The following RIC1 variants were observed in gnomAD, a reference collection of about 807,000 sequenced individuals.
RIC1 encodes guanine nucleotide exchange factor subunit RIC1.
RIC1 carries 88 observed loss-of-function variants against 169.0 expected under a neutral mutation model. The observed-to-expected ratio is 0.52, with a 90% CI of 0.44 to 0.62. The LOEUF (loss-of-function observed/expected upper bound fraction) is 0.62. Among genes scored for constraint, RIC1 ranks in the 20% least tolerant of loss-of-function variants. The probability of loss-of-function intolerance (pLI) is 0.00; values close to 1 mark genes in which losing one functional copy is unlikely to be tolerated. For synonymous variants in RIC1, 790 were observed against 601.5 expected (o/e 1.31, Z -4.59); for missense variants, 1,877 against 1,725.5 (o/e 1.09, Z -1.56).
chr9:5,766,077 T>G (rs1166697010), intron 21 of RIC1, among the ~76,000 whole-genome samples: 15 of 152,202 alleles, frequency 9.9e-5, no homozygotes, highest in Admixed American at 9.8e-4. Flanking sequence ...AGTCTCACTC[T>G]GTCACCCAGG....
At chr9:5,691,000 TTAA>T (rs1181555440) in intron 3 of RIC1, among the ~76,000 whole-genome samples, 9 of 151,942 alleles carry the variant, frequency 5.9e-5, no homozygotes. Context: ...TTTTTATTTT[TTAA>T]TAATTAAAGA....
Position 5,774,371 on chromosome 9 carries a change from G to C in RIC1, c.*125G>C. On this transcript the variant is annotated 3_prime_UTR_variant, in exon 26 of 26. Coordinates refer to ENST00000414202, the MANE Select transcript of RIC1 (RefSeq NM_020829.4). ...AGAGACTCTTCGGTAAGTATTAGTAGATTTTAACTAATTCTTTCTTGTCTA... is the reference window on the plus strand; with the variant it reads ...AGAGACTCTTCGGTAAGTATTAGTACATTTTAACTAATTCTTTCTTGTCTA... The C allele has an allele frequency of 4.3e-6, 3 of 691,542 alleles. No individual in the cohort carries two copies. The highest frequency in any genetic ancestry group is 6.7e-6 in the Non-Finnish European group (3 of 447,672). The allele number at this position is 691,542 out of a possible 1,614,324, so 42.8% of individuals were successfully genotyped here.
intron 6 of RIC1, among the ~76,000 whole-genome samples, chr9:5,725,544 A>C (rs1413056429): frequency 6.6e-6 from 1 of 151,770 alleles, no homozygotes; most frequent in African/African-American, 2.4e-5. Context: ...TGGTTTTTTT[A>C]TGTCTCTATC....
chr9:5,636,769 A>T (rs913679685), intron 1 of RIC1, among the ~76,000 whole-genome samples: 42 of 152,286 alleles, frequency 2.8e-4, no homozygotes, highest in Non-Finnish European at 5.1e-4. Flanking sequence ...TAAATATAAG[A>T]TTATGTCATC....
At chr9:5,664,393 C>T (rs747282806) in intron 2 of RIC1, among the ~76,000 whole-genome samples, 5 of 151,606 alleles carry the variant, frequency 3.3e-5, no homozygotes, top group African/African-American at 4.9e-5. Flanking sequence ...AGCCTGGCAA[C>T]GGAGCGAGAC....
Position 5,774,391 on chromosome 9 carries a change from T to TA in RIC1, c.*145_*146insA. On this transcript the variant is annotated 3_prime_UTR_variant, in exon 26 of 26. Coordinates refer to ENST00000414202, the MANE Select transcript of RIC1 (RefSeq NM_020829.4). ...TAGTAGATTTTAACTAATTCTTTCT[T>TA]GTCTAAGAAATCTTTTTGACTCCAT... The TA allele has an allele frequency of 1.6e-6, 1 of 632,288 alleles. No individual in the cohort carries two copies. Among genetic ancestry groups the TA allele is most frequent in the Non-Finnish European group, 2.5e-6 (1 of 405,536 alleles). The allele number at this position is 632,288 out of a possible 1,614,324, so 39.2% of individuals were successfully genotyped here.
chr9:5,733,422 C>T (rs1215997008), intron 7 of RIC1, among the ~76,000 whole-genome samples: 1 of 151,980 alleles, frequency 6.6e-6, no homozygotes, highest in East Asian at 1.9e-4. Flanking sequence ...CACCACCATG[C>T]CCAGCTAATT....
At chr9:5,637,010 T>C (rs1231906778) in intron 1 of RIC1, among the ~76,000 whole-genome samples, 1 of 152,084 alleles carries the variant, frequency 6.6e-6, no homozygotes, top group Non-Finnish European at 1.5e-5. Context: ...TAAGTTTTAG[T>C]GTTTTGATTT....
intron 4 of RIC1, among the ~76,000 whole-genome samples, chr9:5,717,693 A>T (rs1001605694): frequency 6.6e-6 from 1 of 151,890 alleles, no homozygotes; most frequent in Non-Finnish European, 1.5e-5. Context: ...ACAAACAGAA[A>T]AATTAGCTGG....
chr9:5,754,470 T>C (rs1223638693), intron 14 of RIC1, among the ~76,000 whole-genome samples: 1 of 152,222 alleles, frequency 6.6e-6, no homozygotes, highest in Non-Finnish European at 1.5e-5. Flanking sequence ...GGCTCACGCC[T>C]GTAATCCCAG....
intron 2 of RIC1, among the ~76,000 whole-genome samples, chr9:5,670,819 A>G (rs1820044995): frequency 6.6e-6 from 1 of 152,158 alleles, no homozygotes; most frequent in South Asian, 2.1e-4. Context: ...GTCTTCCCCA[A>G]TATTTGGAGG....
In RIC1 at chr9:5,671,013, A is replaced by G. The variant is rs73392639; in HGVS notation, c.252+14323A>G. The stretch of plus-strand genomic sequence containing the variant: ...GCCGTCAGAAATGCAAAAACCTGAG[A>G]AGGTATCTGAAAAGGCCAATCTTAG... On this transcript the variant is annotated intron_variant, in intron 2 of 25. Coordinates refer to ENST00000414202, the MANE Select transcript of RIC1 (RefSeq NM_020829.4). Among the ~76,000 whole-genome samples the G allele has an allele frequency of 3.2e-3, 489 of 152,174 alleles. 2 individuals carry two copies. Among genetic ancestry groups the G allele is most frequent in the African/African-American group, 0.011 (461 of 41,510 alleles).
At chr9:5,640,134 C>G (rs1241447409) in intron 1 of RIC1, among the ~76,000 whole-genome samples, 2 of 152,058 alleles carry the variant, frequency 1.3e-5, no homozygotes, top group Non-Finnish European at 2.9e-5. Flanking sequence ...GTTTTGTGGT[C>G]TTCGTTCTTT....
At chr9:5,706,491 C>G (rs1298353115) in intron 3 of RIC1, among the ~76,000 whole-genome samples, 1 of 151,992 alleles carries the variant, frequency 6.6e-6, no homozygotes, top group Non-Finnish European at 1.5e-5. Context: ...CTCCTCTTAC[C>G]TATTTTTTTT....
chr9:5,732,514 T>C (rs1028522312), intron 7 of RIC1, 35 bp downstream of exon 7: 2 of 1,445,430 alleles, frequency 1.4e-6, no homozygotes, highest in African/African-American at 1.5e-5. Flanking sequence ...TTTTTAAGAG[T>C]TGTTGCAAAA....
At chr9:5,717,380 C>A (rs1398404584) in intron 4 of RIC1, among the ~76,000 whole-genome samples, 1 of 152,058 alleles carries the variant, frequency 6.6e-6, no homozygotes, top group Non-Finnish European at 1.5e-5. Context: ...CTGACTCCTT[C>A]CAAGGAAAAT....
rs115983351 is a variant in RIC1 at position 5,765,548 on chromosome 9, A to G, written c.2976A>G (p.Thr992=). Residue 992 remains threonine, a synonymous_variant, in exon 20 of 26, where the codon ACA becomes ACG. Coordinates refer to ENST00000414202, the MANE Select transcript of RIC1 (RefSeq NM_020829.4). ...LKAIGSGESE[T]PPSTPTAQEP... ...CCATTGGCTCTGGAGAATCTGAGAC[A>G]CCTCCATCCACACCCACAGCTCAGG... The G allele has an allele frequency of 6.2e-7, 1 of 1,613,952 alleles. No individual in the cohort carries two copies. Among genetic ancestry groups the G allele is most frequent in the Non-Finnish European group, 8.5e-7 (1 of 1,179,974 alleles).
At chr9:5,695,571 C>CTTT (rs539521445) in intron 3 of RIC1, among the ~76,000 whole-genome samples, 7 of 128,750 alleles carry the variant, frequency 5.4e-5, no homozygotes, top group African/African-American at 8.5e-5. Context: ...ATTATTATAT[C>CTTT]TTTTTTTTTT....
intron 3 of RIC1, among the ~76,000 whole-genome samples, chr9:5,711,540 T>C (rs923319872): frequency 1.3e-5 from 2 of 151,364 alleles, no homozygotes; most frequent in African/African-American, 4.8e-5. Context: ...CATACGTCTT[T>C]TTTGTTTGTT....
Sources: gnomAD v4.1 joint callset for allele counts (sites outside exome capture counted in the v4.1 genomes callset) on GRCh38, gnomAD v4.1.1 for gene constraint, MANE v1.5 for transcripts, NCBI Gene and HGNC (gene_info 2026-07-23, HGNC 2026-07-21) for gene names.